Variants in STX19 observed in about 807,000 individuals in gnomAD.
STX19 encodes syntaxin-19.
In STX19, 26 loss-of-function variants were observed where a neutral mutation model predicts 24.3. The observed-to-expected ratio is 1.07, with a 90% CI of 0.78 to 1.48. STX19 has a LOEUF of 1.48. STX19 is among the 40% of genes most tolerant of loss of function. The pLI, the probability that STX19 is intolerant of heterozygous loss-of-function variation, is 0.00. For missense variants in STX19, 367 were observed against 331.9 expected (o/e 1.11, Z -0.82); for synonymous variants, 116 against 106.9 (o/e 1.09, Z -0.52).
chr3:94,025,001 A>C (rs764371856), intron 1 of STX19, among the ~76,000 whole-genome samples: 2 of 152,224 alleles, frequency 1.3e-5, no homozygotes, highest in Non-Finnish European at 2.9e-5. Context: ...CACAGTGTAC[A>C]CAGGCCTCTG....
At position 94,018,891 on chromosome 3, in the gene STX19, G is replaced by A. The variant is rs576584624; in HGVS notation, c.-13-3609C>T. 4.6e-5 allele frequency among the ~76,000 whole-genome samples: 7 copies of A among 152,094 alleles called. No homozygotes were observed. In the South Asian group the frequency reaches 6.2e-4, roughly 14 times the overall value. ...AGCAATTCTCCTGCCTCAGCCTCCC[G>A]AGTGGCTGGGACTACAGGCATGTGC... On this transcript the variant is annotated intron_variant, in intron 1 of 1. Transcript: ENST00000315099.
chr3:94,016,638 A>T (rs1288619789), intron 1 of STX19, among the ~76,000 whole-genome samples: 1 of 149,176 alleles, frequency 6.7e-6, no homozygotes, highest in South Asian at 2.1e-4. Context: ...GATTTTAATT[A>T]ATTAAGCTTT....
intron 1 of STX19, among the ~76,000 whole-genome samples, chr3:94,027,163 G>A (rs951698587): frequency 6.6e-6 from 1 of 151,974 alleles, no homozygotes; most frequent in African/African-American, 2.4e-5. Flanking sequence ...AGAGAAAACA[G>A]AATATTCTGT....
rs2076590980 is a variant in STX19, at chr3:94,027,892, AAAC to A, written c.-14+472_-14+474del. 1.3e-5 allele frequency among the ~76,000 whole-genome samples: 2 copies of A among 152,266 alleles called. 1 individual carries two copies. Among genetic ancestry groups the A allele is most frequent in the East Asian group, 3.9e-4 (2 of 5,192 alleles). On this transcript the variant is annotated intron_variant, in intron 1 of 1. Transcript: ENST00000315099. ...TTTTTCAATTTTAGAAGATTCTAGT[AAAC>A]AACAATGAAGCAATTAAGACCATTA...
At chr3:94,027,734 A>G (rs955060134) in intron 1 of STX19, among the ~76,000 whole-genome samples, 4 of 152,060 alleles carry the variant, frequency 2.6e-5, no homozygotes, top group Admixed American at 6.6e-5. Context: ...AAATTTTTCA[A>G]ACTATCAATT....
chr3:94,019,322 G>A (rs976183288), intron 1 of STX19, among the ~76,000 whole-genome samples: 2 of 151,896 alleles, frequency 1.3e-5, no homozygotes, highest in South Asian at 2.1e-4. Context: ...TCAGCCTCCC[G>A]AGTAGCTGGG....
intron 1 of STX19, among the ~76,000 whole-genome samples, chr3:94,019,081 CT>C (rs34175007): frequency 1.3e-5 from 2 of 150,910 alleles, no homozygotes; most frequent in Admixed American, 6.6e-5. Context: ...TCATTCTTGA[CT>C]TTTTTTTTCT....
At chr3:94,026,435 T>G (rs1372588220) in intron 1 of STX19, among the ~76,000 whole-genome samples, 2 of 152,248 alleles carry the variant, frequency 1.3e-5, no homozygotes, top group African/African-American at 2.4e-5. Flanking sequence ...CTTGTTCATC[T>G]GTGTAGAAAT....
intron 1 of STX19, among the ~76,000 whole-genome samples, chr3:94,026,168 C>T (rs939941194): frequency 3.3e-5 from 5 of 152,050 alleles, no homozygotes; most frequent in Admixed American, 2.0e-4. Flanking sequence ...TACAGGCGCC[C>T]GCCACCACAC....
At chr3:94,022,416 G>A (rs986904284) in intron 1 of STX19, among the ~76,000 whole-genome samples, 6 of 152,122 alleles carry the variant, frequency 3.9e-5, no homozygotes, top group Admixed American at 1.3e-4. Flanking sequence ...GTGAGCCACC[G>A]CACCCGGCTG....
At chr3:94,028,334 T>C (rs2076600414) in intron 1 of STX19, 33 bp downstream of exon 1, 3 of 152,220 alleles carry the variant, frequency 2.0e-5, no homozygotes, top group South Asian at 4.1e-4. Context: ...GGATACCTCA[T>C]ATTAAAAAGT....
intron 1 of STX19, 54 bp from the exon 2 acceptor site, chr3:94,015,336 A>G (rs1289920732): frequency 2.9e-6 from 4 of 1,387,020 alleles, no homozygotes; most frequent in Non-Finnish European, 3.8e-6. Context: ...ATTTTTCCCC[A>G]GTAGCAGTTG....
At position 94,021,968 on chromosome 3, in the gene STX19, AC is replaced by A. The variant is rs570218044; in HGVS notation, c.-14+6398del. On this transcript the variant is annotated intron_variant, in intron 1 of 1. Coordinates refer to ENST00000315099, the MANE Select transcript of STX19 (RefSeq NM_001001850.3). Reference sequence around the variant, plus strand: ...CAAGGCTTCTAAAGATATATATCTGACCCTTACCTGCCGTACCACATCCCCT... The same window carrying A: ...CAAGGCTTCTAAAGATATATATCTGACCTTACCTGCCGTACCACATCCCCT... Among the ~76,000 whole-genome samples the A allele has an allele frequency of 6.8e-3, 1,037 of 151,996 alleles. 8 individuals are homozygous for A. The highest frequency in any genetic ancestry group is 0.024 in the African/African-American group (975 of 41,440).
chr3:94,016,551 A>T (rs967343001), intron 1 of STX19, among the ~76,000 whole-genome samples: 1 of 152,166 alleles, frequency 6.6e-6, no homozygotes, highest in Non-Finnish European at 1.5e-5. Context: ...TATTTCATCT[A>T]GCTATAAGAA....
intron 1 of STX19, among the ~76,000 whole-genome samples, chr3:94,021,530 A>G (rs988770043): frequency 6.6e-6 from 1 of 152,184 alleles, no homozygotes; most frequent in Non-Finnish European, 1.5e-5. Flanking sequence ...TTATCCAGGT[A>G]TAGATACTTA....
intron 1 of STX19, among the ~76,000 whole-genome samples, chr3:94,016,606 T>C (rs1358275442): frequency 1.3e-5 from 2 of 152,018 alleles, no homozygotes; most frequent in African/African-American, 4.8e-5. Flanking sequence ...GGGTTCACAA[T>C]AGTGTCTATG....
chr3:94,015,979 A>G (rs2076326175), intron 1 of STX19, among the ~76,000 whole-genome samples: 1 of 152,120 alleles, frequency 6.6e-6, no homozygotes, highest in African/African-American at 2.4e-5. Context: ...GTGTTAGGTG[A>G]TACTTTTATA....
rs751463376 is a variant in STX19, at chr3:94,015,185, C to CT, written c.84dup (p.Glu29ArgfsTer14). ...TGCTGTAGAAACACCCCTTGTTCCT[C>CT]TGTTTCTGTAGTTGATACATGACTG... On this transcript the variant is annotated frameshift_variant, in exon 2 of 2. Transcript: ENST00000315099. LOFTEE classifies it high-confidence loss of function. 11 of 1,613,668 alleles carry CT rather than the reference C, an allele frequency of 6.8e-6. No individual in the cohort carries two copies. The highest frequency in any genetic ancestry group is 1.1e-5 in the South Asian group (1 of 91,026).
At chr3:94,016,418 T>C (rs1023993262) in intron 1 of STX19, among the ~76,000 whole-genome samples, 3 of 152,064 alleles carry the variant, frequency 2.0e-5, no homozygotes, top group African/African-American at 7.2e-5. Context: ...AATGTGTAGA[T>C]GGTGTAAAAT....
Sources: gnomAD v4.1 joint callset for allele counts (sites outside exome capture counted in the v4.1 genomes callset) on GRCh38, gnomAD v4.1.1 for gene constraint, MANE v1.5 for transcripts, NCBI Gene and HGNC (gene_info 2026-07-23, HGNC 2026-07-21) for gene names.